ACTL8: variants seen among roughly 807,000 people sequenced by gnomAD.
ACTL8 encodes the protein actin-like protein 8.
Under a neutral mutation model 9.3 loss-of-function variants are expected in ACTL8, and 3 were observed. The ratio of observed to expected loss-of-function variants is 0.32; its 90% CI spans 0.15 to 0.83. The LOEUF (loss-of-function observed/expected upper bound fraction) is 0.83. Ranked by LOEUF, ACTL8 falls within the 40% of genes least tolerant of loss-of-function variation. The probability of loss-of-function intolerance (pLI) is 0.57; values close to 1 mark genes in which losing one functional copy is unlikely to be tolerated. For synonymous variants in ACTL8, 224 were observed against 205.9 expected (o/e 1.09, Z -0.75); for missense variants, 381 against 492.2 (o/e 0.77, Z 2.14).
chr1:17,765,356 G>A (rs777466566), intron 1 of ACTL8, among the ~76,000 whole-genome samples: 10 of 152,150 alleles, frequency 6.6e-5, no homozygotes, highest in Non-Finnish European at 1.2e-4. Context: ...CATGGAGGCC[G>A]CACTGTCCCC....
In ACTL8 at chr1:17,767,129, C is replaced by T. The variant is rs1020305650; in HGVS notation, c.-25+11625C>T. On this transcript the variant is annotated intron_variant, in intron 1 of 2. Transcript: ENST00000375406. The surrounding 1 kb of genome is among the most constrained non-coding windows in gnomAD (Gnocchi z 4.7). ...GGGAAGCAGACACCTGAGGGGGAAG[C>T]GAGACGGGTGAGCATCATGAAGAAG... 2.0e-5 allele frequency among the ~76,000 whole-genome samples: 3 copies of T among 152,064 alleles called. No individual in the cohort carries two copies. The highest frequency in any genetic ancestry group is 7.2e-5 in the African/African-American group (3 of 41,408).
At chr1:17,792,494 C>T (rs993117811) in intron 1 of ACTL8, among the ~76,000 whole-genome samples, 11 of 152,342 alleles carry the variant, frequency 7.2e-5, no homozygotes, top group African/African-American at 2.6e-4. Context: ...CATCACCATG[C>T]ATATAGACCA....
intron 1 of ACTL8, among the ~76,000 whole-genome samples, chr1:17,760,988 C>T (rs1569988051): frequency 1.3e-5 from 2 of 152,046 alleles, no homozygotes; most frequent in African/African-American, 2.4e-5. Context: ...AATAAGGTAG[C>T]ACAAGTCCTT....
intron 1 of ACTL8, among the ~76,000 whole-genome samples, chr1:17,791,115 T>C (rs948254752): frequency 3.9e-5 from 6 of 152,148 alleles, no homozygotes; most frequent in African/African-American, 1.4e-4. Context: ...GGGGCCGGGC[T>C]CCTGCCTACT....
chr1:17,800,583 C>CTTTTTTTT lies in ACTL8; in HGVS notation c.-24-22382_-24-22375dup, dbSNP rs59143238. Among the ~76,000 whole-genome samples the CTTTTTTTT allele has an allele frequency of 3.0e-4, 21 of 69,156 alleles. 2 individuals carry two copies. The highest frequency in any genetic ancestry group is 6.5e-4 in the African/African-American group (10 of 15,486). The allele number at this position is 69,156 out of a possible 152,430, so 45.4% of individuals were successfully genotyped here. A position where few individuals can be genotyped will look rare whatever the true frequency, so the allele number is the denominator to read the frequency against. ...CAAACTTCCTTGCCTTGGTGTCAAT[C>CTTTTTTTT]TTTTTTTTTTTTTTTTTTTTTTTTT... On this transcript the variant is annotated intron_variant, in intron 1 of 2. Transcript: ENST00000375406.
At chr1:17,807,250 G>A (rs941514500) in intron 1 of ACTL8, among the ~76,000 whole-genome samples, 4 of 152,202 alleles carry the variant, frequency 2.6e-5, no homozygotes, top group African/African-American at 9.6e-5. Flanking sequence ...CATAGTCACA[G>A]TTTCCATGGA....
Position 17,826,306 on chromosome 1 carries a change from G to A in ACTL8, c.888G>A (p.Met296Ile), listed in dbSNP as rs1570053277. The A allele has an allele frequency of 1.9e-6, 3 of 1,612,184 alleles. No individual in the cohort carries two copies. The South Asian group carries it at 3.3e-5, about 18-fold the overall frequency. The change falls in exon 3 of 3, where the codon ATG becomes ATA. Residue 296 changes from methionine (M) to isoleucine (I), a missense_variant. Physicochemically the swap from Met to Ile is conservative, Grantham distance 10. Coordinates refer to ENST00000375406, the MANE Select transcript of ACTL8 (RefSeq NM_030812.3). The surrounding 1 kb of genome is among the most constrained non-coding windows in gnomAD (Gnocchi z 4.5). Reference protein sequence around the residue: ...SLRPLLVSHVMACGGNTLYPG... With the variant: ...SLRPLLVSHVIACGGNTLYPG... ...GCCCCCTGCTGGTCTCCCACGTGAT[G>A]GCCTGCGGGGGCAACACCCTCTATC...
intron 1 of ACTL8, among the ~76,000 whole-genome samples, chr1:17,772,597 A>G (rs1387306279): frequency 6.6e-6 from 1 of 152,234 alleles, no homozygotes; most frequent in East Asian, 1.9e-4. Context: ...TAGTTTATGC[A>G]GGATCATGCT....
chr1:17,760,095 A>G (rs1232851595), intron 1 of ACTL8, among the ~76,000 whole-genome samples: 1 of 152,070 alleles, frequency 6.6e-6, no homozygotes, highest in Non-Finnish European at 1.5e-5. Context: ...ATAATCTGTG[A>G]TGTGTATTCT....
intron 1 of ACTL8, among the ~76,000 whole-genome samples, chr1:17,779,795 T>C (rs556432132): frequency 3.3e-5 from 5 of 152,320 alleles, no homozygotes; most frequent in South Asian, 4.1e-4. Flanking sequence ...CTCATAACTT[T>C]ATAGGCTAAA....
chr1:17,783,822 T>C (rs1220347875), intron 1 of ACTL8, among the ~76,000 whole-genome samples: 1 of 152,168 alleles, frequency 6.6e-6, no homozygotes, highest in South Asian at 2.1e-4. Context: ...TTGCCTTGAG[T>C]TGGTGTAAAG....
chr1:17,758,383 T>G (rs868114348), intron 1 of ACTL8, among the ~76,000 whole-genome samples: 1 of 152,244 alleles, frequency 6.6e-6, no homozygotes, highest in African/African-American at 2.4e-5. Context: ...TATTATTTCA[T>G]GTATTTTTAT....
chr1:17,786,297 A>C (rs1438495082), intron 1 of ACTL8, among the ~76,000 whole-genome samples: 3 of 152,150 alleles, frequency 2.0e-5, no homozygotes, highest in Non-Finnish European at 2.9e-5. Context: ...GCTCTCACCC[A>C]CCCTCAAGGG....
intron 1 of ACTL8, among the ~76,000 whole-genome samples, chr1:17,802,424 C>CGTGTGTGTGTGTGTGTGT (rs72387933): frequency 4.2e-4 from 61 of 146,692 alleles, no homozygotes; most frequent in African/African-American, 1.5e-3. Flanking sequence ...ACTGTGCGTG[C>CGTGTGTGTGTGTGTGTGT]GTGTGTGTGT....
At chr1:17,755,951 G>A (rs1339869125) in intron 1 of ACTL8, among the ~76,000 whole-genome samples, 9 of 151,964 alleles carry the variant, frequency 5.9e-5, no homozygotes, top group Admixed American at 5.9e-4. Context: ...TGGGGTGGGG[G>A]GCTGTTCCTT....
intron 1 of ACTL8, among the ~76,000 whole-genome samples, chr1:17,820,101 A>G (rs2053640082): frequency 6.6e-6 from 1 of 152,172 alleles, no homozygotes; most frequent in African/African-American, 2.4e-5. Context: ...GCCCAGCTCC[A>G]CAAACAAGAT....
chr1:17,781,323 C>T (rs1472287966), intron 1 of ACTL8, among the ~76,000 whole-genome samples: 1 of 151,712 alleles, frequency 6.6e-6, no homozygotes, highest in African/African-American at 2.4e-5. Flanking sequence ...TTGCTGCAAC[C>T]TCTGCCTTCC....
chr1:17,780,873 A>G (rs2066150287), intron 1 of ACTL8, among the ~76,000 whole-genome samples: 1 of 152,152 alleles, frequency 6.6e-6, no homozygotes, highest in African/African-American at 2.4e-5. Context: ...GCTGGTCTGT[A>G]TCCGGGAGGT....
intron 1 of ACTL8, among the ~76,000 whole-genome samples, chr1:17,815,011 C>T (rs1471777450): frequency 1.4e-5 from 2 of 147,612 alleles, no homozygotes; most frequent in South Asian, 4.4e-4. Flanking sequence ...ATGCTGTACC[C>T]GTTTATAGCA....
Sources: allele counts gnomAD v4.1 joint callset (sites outside exome capture counted in the v4.1 genomes callset), GRCh38; gene constraint gnomAD v4.1.1; non-coding constraint Gnocchi (gnomAD v3.1); transcripts MANE v1.5; gene names NCBI Gene and HGNC (gene_info 2026-07-23, HGNC 2026-07-21).